Variants in COL24A1 observed in about 807,000 individuals in gnomAD.
The protein encoded by COL24A1 is collagen type XXIV alpha 1 chain, also known as collagen alpha-1(XXIV) chain.
COL24A1 carries 224 observed loss-of-function variants against 253.9 expected under a neutral mutation model. That is an observed-to-expected ratio of 0.88 (90% CI 0.79 to 0.99). The LOEUF (loss-of-function observed/expected upper bound fraction) is 0.99, where lower values mean the gene tolerates loss of function less well. COL24A1 is among the 50% of genes least tolerant of loss of function. The pLI is 0.00. For missense variants in COL24A1, 2,131 were observed against 2,068.5 expected (o/e 1.03, Z -0.59); for synonymous variants, 685 against 673.7 (o/e 1.02, Z -0.26).
At chr1:86,008,937 G>A (rs921862839) in intron 19 of COL24A1, among the ~76,000 whole-genome samples, 1 of 134,604 alleles carries the variant, frequency 7.4e-6, no homozygotes, top group Admixed American at 7.3e-5. Context: ...AACAAAAAAT[G>A]TGCAAAACCT....
intron 7 of COL24A1, among the ~76,000 whole-genome samples, chr1:86,081,128 T>A (rs142024028): frequency 1.3e-3 from 205 of 152,266 alleles, no homozygotes; most frequent in African/African-American, 3.8e-3. Flanking sequence ...TTGAAAAAAA[T>A]TATCAAAATT....
intron 5 of COL24A1, among the ~76,000 whole-genome samples, chr1:86,098,258 G>A (rs930922931): frequency 2.6e-5 from 4 of 151,618 alleles, no homozygotes; most frequent in African/African-American, 9.7e-5. Flanking sequence ...TGTAAATTGG[G>A]GAAGAAAATT....
At chr1:86,092,881 T>C (rs1027601016) in intron 5 of COL24A1, among the ~76,000 whole-genome samples, 4 of 152,014 alleles carry the variant, frequency 2.6e-5, no homozygotes, top group African/African-American at 7.2e-5. Context: ...GGGATCTTTA[T>C]CTTTTACATT....
chr1:85,895,965 A>G lies in COL24A1; in HGVS notation c.2877+56T>C, dbSNP rs924661378. The stretch of plus-strand genomic sequence containing the variant: ...CTCCAAAAAGATTAATCATACTAAG[A>G]AAAACAAAAAAGACTTAAAATGTTC... On this transcript the variant is annotated intron_variant, in intron 30 of 59. Coordinates refer to ENST00000370571, the MANE Select transcript of COL24A1 (RefSeq NM_152890.7). The G allele has an allele frequency of 1.7e-5, 28 of 1,600,218 alleles. No homozygotes were observed. The Admixed American group carries it at 4.5e-4, about 25-fold the overall frequency.
At position 85,838,566 on chromosome 1, in the gene COL24A1, G is replaced by T; in HGVS notation, c.3681+19C>A. 1 of 1,607,674 alleles carries T rather than the reference G, an allele frequency of 6.2e-7. No individual in the cohort carries two copies. ...AACCCTATTTAAATTCATTAGTAAG[G>T]GGTATAACTTGCAATTACCTTATAT... is the stretch of plus-strand genomic sequence containing the variant. On this transcript the variant is annotated intron_variant, in intron 43 of 59. Transcript: ENST00000370571.
chr1:85,773,343 G>A (rs957905678), intron 53 of COL24A1, among the ~76,000 whole-genome samples: 25 of 152,110 alleles, frequency 1.6e-4, no homozygotes, highest in African/African-American at 5.8e-4. Flanking sequence ...GGATTGTCTT[G>A]GCTATGTGGG....
intron 14 of COL24A1, among the ~76,000 whole-genome samples, chr1:86,031,596 CTT>C (rs1312806594): frequency 6.6e-6 from 1 of 152,008 alleles, no homozygotes; most frequent in Non-Finnish European, 1.5e-5. Context: ...TTTGAGGAAA[CTT>C]TGTCTTAAGT....
intron 2 of COL24A1, among the ~76,000 whole-genome samples, chr1:86,145,738 A>G (rs1438736631): frequency 6.6e-6 from 1 of 152,074 alleles, no homozygotes; most frequent in Non-Finnish European, 1.5e-5. Context: ...TAATGATGCA[A>G]ATCTGGACGG....
chr1:86,121,908 A>G (rs560737141), intron 3 of COL24A1, among the ~76,000 whole-genome samples: 1 of 152,252 alleles, frequency 6.6e-6, no homozygotes, highest in South Asian at 2.1e-4. Flanking sequence ...AATAGGTTTA[A>G]AGAACTTCAA....
chr1:85,731,638 G>A (rs1166125693), intron 59 of COL24A1, among the ~76,000 whole-genome samples: 1 of 152,166 alleles, frequency 6.6e-6, no homozygotes, highest in Non-Finnish European at 1.5e-5. Flanking sequence ...TGTTCTTATA[G>A]TGCTTGTGAA....
Position 85,783,620 on chromosome 1 carries a change from A to T in COL24A1, c.4222-62T>A. 2.8e-6 allele frequency: 4 copies of T among 1,403,586 alleles called. No homozygotes were observed. In the South Asian group the frequency reaches 4.7e-5, roughly 16 times the overall value. 86.9% of individuals were successfully genotyped at this position (1,403,586 alleles called of 1,614,324 possible). ...TAGCTCTATATGAACATTTTACAAA[A>T]CTATATAAATCTATCAAGAATTGCT... On this transcript the variant is annotated intron_variant, in intron 50 of 59. Transcript: ENST00000370571.
intron 5 of COL24A1, among the ~76,000 whole-genome samples, chr1:86,098,035 C>A (rs1605416): frequency 0.89 from 135,057 of 152,086 alleles, 60,654 homozygotes; most frequent in Non-Finnish European, 0.96. Context: ...CATAAAACAA[C>A]ATTATGTGAG....
chr1:85,756,889 T>C (rs1464845575), intron 55 of COL24A1, among the ~76,000 whole-genome samples: 1 of 152,198 alleles, frequency 6.6e-6, no homozygotes, highest in East Asian at 1.9e-4. Flanking sequence ...TAAATAAAAT[T>C]CGAATATACG....
intron 12 of COL24A1, among the ~76,000 whole-genome samples, chr1:86,043,082 G>A (rs1214053481): frequency 6.6e-6 from 1 of 152,038 alleles, no homozygotes; most frequent in Non-Finnish European, 1.5e-5. Context: ...AGAAAGTCAA[G>A]TCATTTACTA....
At chr1:85,879,069 T>C (rs1293967217) in intron 32 of COL24A1, among the ~76,000 whole-genome samples, 3 of 152,178 alleles carry the variant, frequency 2.0e-5, no homozygotes, top group Non-Finnish European at 4.4e-5. Context: ...TCAAGGCAGA[T>C]TTAAAAAGAT....
chr1:86,110,866 G>T lies in COL24A1; in HGVS notation c.1599+1701C>A, dbSNP rs78332341. On this transcript the variant is annotated intron_variant, in intron 5 of 59. Coordinates refer to ENST00000370571, the MANE Select transcript of COL24A1 (RefSeq NM_152890.7). ...CTGCCGCGCGGCCCAAGCCTCCCCA[G>T]TGGGGGCTCCACCTCCTTCTCCGTG... Among the ~76,000 whole-genome samples, 4 of 151,534 alleles carry T rather than the reference G, an allele frequency of 2.6e-5. No homozygotes were observed. In the South Asian group the frequency reaches 8.4e-4, roughly 32 times the overall value.
chr1:85,987,057 C>T (rs760042803), intron 20 of COL24A1, among the ~76,000 whole-genome samples: 6 of 151,798 alleles, frequency 4.0e-5, no homozygotes, highest in Non-Finnish European at 4.4e-5. Flanking sequence ...TAGAACGTTG[C>T]TTTAAAATGG....
intron 24 of COL24A1, among the ~76,000 whole-genome samples, chr1:85,949,583 C>T (rs7536689): frequency 6.6e-6 from 1 of 151,772 alleles, no homozygotes; most frequent in Admixed American, 6.6e-5. Context: ...GTTTATGGAG[C>T]TTTTACTCTA....
chr1:85,871,273 G>C (rs938320109), intron 35 of COL24A1, among the ~76,000 whole-genome samples: 1 of 152,158 alleles, frequency 6.6e-6, no homozygotes, highest in Admixed American at 6.5e-5. Context: ...GAGGTGCAAG[G>C]AGGAGCTGGT....
Sources: allele counts gnomAD v4.1 joint callset (sites outside exome capture counted in the v4.1 genomes callset), GRCh38; gene constraint gnomAD v4.1.1; transcripts MANE v1.5; gene names NCBI Gene and HGNC (gene_info 2026-07-23, HGNC 2026-07-21).